SCAF8: variants seen among roughly 807,000 people sequenced by gnomAD.
SCAF8 encodes the protein SR-related CTD associated factor 8.
A neutral mutation model predicts 140.5 loss-of-function variants in SCAF8; 23 were observed. That is an observed-to-expected ratio of 0.16 (90% CI 0.12 to 0.23). The LOEUF (loss-of-function observed/expected upper bound fraction) is 0.23. Ranked by LOEUF, SCAF8 falls within the 10% of genes least tolerant of loss-of-function variation. SCAF8 has a pLI of 1.00. For synonymous variants in SCAF8, 575 were observed against 528.9 expected (o/e 1.09, Z -1.20); for missense variants, 1,397 against 1,555.7 (o/e 0.90, Z 1.72).
rs57095332 is a variant in SCAF8 at position 154,790,489 on chromosome 6, A to ATT, written c.322-2296_322-2295dup. Among the ~76,000 whole-genome samples, 37 of 70,878 alleles carry ATT rather than the reference A, an allele frequency of 5.2e-4. 6 individuals are homozygous for ATT. Among genetic ancestry groups the ATT allele is most frequent in the Admixed American group, 1.3e-3 (6 of 4,502 alleles). 46.5% of individuals were successfully genotyped at this position (70,878 alleles called of 152,430 possible). ...TTGTAAAACATATACATTTAACAGA[A>ATT]TTTTTTTTTTTTTTTTTTTTTTTTT... is the stretch of plus-strand genomic sequence containing the variant. On this transcript the variant is annotated intron_variant, in intron 4 of 19. Coordinates refer to ENST00000367178, the MANE Select transcript of SCAF8 (RefSeq NM_014892.5).
At chr6:154,742,271 T>C (rs568357400) in intron 1 of SCAF8, among the ~76,000 whole-genome samples, 69 of 152,318 alleles carry the variant, frequency 4.5e-4, no homozygotes, top group African/African-American at 1.6e-3. Flanking sequence ...ACTTTTGTTA[T>C]GTTTACTTGT....
intron 3 of SCAF8, among the ~76,000 whole-genome samples, chr6:154,785,722 A>T (rs1015730621): frequency 2.6e-5 from 4 of 152,212 alleles, no homozygotes; most frequent in Non-Finnish European, 4.4e-5. Context: ...ATATGGTCCA[A>T]CTTACCTAGA....
Position 154,784,146 on chromosome 6 carries a change from T to G in SCAF8, c.160-3715T>G, listed in dbSNP as rs1167892838. ...ATATATATATATATATATATATATA[T>G]ATATATATATATTTATTTATTTATT... On this transcript the variant is annotated intron_variant, in intron 3 of 19. Coordinates refer to ENST00000367178, the MANE Select transcript of SCAF8 (RefSeq NM_014892.5). Among the ~76,000 whole-genome samples, 26 of 139,376 alleles carry G rather than the reference T, an allele frequency of 1.9e-4. 1 individual carries two copies. Among genetic ancestry groups the G allele is most frequent in the Middle Eastern group, 7.6e-3 (2 of 264 alleles). The allele number at this position is 139,376 out of a possible 152,430, so 91.4% of individuals were successfully genotyped here.
At chr6:154,757,991 A>G (rs925794914) in intron 1 of SCAF8, among the ~76,000 whole-genome samples, 8 of 150,850 alleles carry the variant, frequency 5.3e-5, no homozygotes, top group African/African-American at 2.0e-4. Context: ...GCTCACTGCA[A>G]CCTCTGCCTC....
At chr6:154,756,825 T>C (rs1778978034) in intron 1 of SCAF8, among the ~76,000 whole-genome samples, 1 of 151,960 alleles carries the variant, frequency 6.6e-6, no homozygotes, top group Non-Finnish European at 1.5e-5. Context: ...CTCAGGAGTT[T>C]TAAGACCAGC....
Position 154,736,740 on chromosome 6 carries a change from G to A in SCAF8, c.30+2810G>A, listed in dbSNP as rs142118004. Among the ~76,000 whole-genome samples the A allele has an allele frequency of 2.0e-3, 299 of 152,192 alleles. 1 individual carries two copies. The highest frequency in any genetic ancestry group is 6.7e-3 in the African/African-American group (279 of 41,536). The stretch of plus-strand genomic sequence containing the variant: ...ACATGTGTAGATAGGTGTTTCACCT[G>A]TTTTCTCATTTTACAGGAACTTGAG... On this transcript the variant is annotated intron_variant, in intron 1 of 19. Transcript: ENST00000367178.
chr6:154,733,611 C>A lies in SCAF8; in HGVS notation c.-290C>A. On this transcript the variant is annotated 5_prime_UTR_variant, in exon 1 of 20. Coordinates refer to ENST00000367178, the MANE Select transcript of SCAF8 (RefSeq NM_014892.5). ...GGAGCGGGGCAGAGAAGAGAAGGCG[C>A]CGCGGCCCAGCCCCTCCCCCGCCCG... 7.7e-7 allele frequency: 1 copy of A among 1,291,082 alleles called. No individual in the cohort carries two copies. The highest frequency in any genetic ancestry group is 2.5e-5 in the South Asian group (1 of 39,668). 80.0% of individuals were successfully genotyped at this position (1,291,082 alleles called of 1,614,324 possible). A position where few individuals can be genotyped will look rare whatever the true frequency, so the allele number is the denominator to read the frequency against.
chr6:154,796,401 CTT>C (rs1491453109), intron 6 of SCAF8, among the ~76,000 whole-genome samples: 1 of 137,880 alleles, frequency 7.3e-6, no homozygotes, highest in African/African-American at 2.8e-5. Context: ...CTGTCTCTCT[CTT>C]TTTCTGACCC....
intron 17 of SCAF8, chr6:154,824,951 A>G (rs970726619): frequency 6.7e-6 from 1 of 149,946 alleles, no homozygotes; most frequent in Non-Finnish European, 1.5e-5. Flanking sequence ...TCTCAAAAAG[A>G]AAAAAAGGTG....
intron 18 of SCAF8, among the ~76,000 whole-genome samples, chr6:154,827,839 G>GT (rs932855754): frequency 1.9e-4 from 28 of 150,630 alleles, no homozygotes; most frequent in Non-Finnish European, 1.3e-4. Flanking sequence ...CGGGGCGGGG[G>GT]GGGGGGCGGT....
At chr6:154,781,657 A>G (rs555354478) in intron 3 of SCAF8, among the ~76,000 whole-genome samples, 1 of 152,330 alleles carries the variant, frequency 6.6e-6, no homozygotes, top group South Asian at 2.1e-4. Context: ...GTAGTATTTC[A>G]GGGTATGAAT....
chr6:154,793,940 T>A (rs969805284), intron 5 of SCAF8, among the ~76,000 whole-genome samples: 3 of 151,950 alleles, frequency 2.0e-5, no homozygotes, highest in Non-Finnish European at 4.4e-5. Flanking sequence ...GATGTACTGT[T>A]TTTTGAGACC....
chr6:154,820,356 A>T, intron 15 of SCAF8, 23 bp downstream of exon 15: 2 of 1,583,354 alleles, frequency 1.3e-6, no homozygotes, highest in Non-Finnish European at 1.7e-6. Flanking sequence ...AGGTCTTTTT[A>T]TTGTTAAAAA....
At chr6:154,816,525 C>T (rs747593293) in intron 13 of SCAF8, among the ~76,000 whole-genome samples, 3 of 152,092 alleles carry the variant, frequency 2.0e-5, no homozygotes, top group Admixed American at 6.6e-5. Flanking sequence ...GTCTTTCTTC[C>T]TCCTGCTGTG....
chr6:154,826,333 ATTC>A (rs1380844135), intron 17 of SCAF8, among the ~76,000 whole-genome samples: 2 of 152,106 alleles, frequency 1.3e-5, no homozygotes, highest in Non-Finnish European at 1.5e-5. Flanking sequence ...ATGTATTTTT[ATTC>A]TTTCCTTATT....
chr6:154,806,386 T>A (rs1777914826), intron 9 of SCAF8, among the ~76,000 whole-genome samples: 1 of 152,144 alleles, frequency 6.6e-6, no homozygotes, highest in African/African-American at 2.4e-5. Context: ...CATCCTAATA[T>A]TAAAAAAGTT....
intron 2 of SCAF8, among the ~76,000 whole-genome samples, chr6:154,774,591 A>G (rs1032434895): frequency 2.6e-5 from 4 of 152,138 alleles, no homozygotes; most frequent in African/African-American, 4.8e-5. Context: ...AAAAGTTTCT[A>G]TATATTGATA....
At chr6:154,830,186 A>G (rs536870628) in intron 18 of SCAF8, among the ~76,000 whole-genome samples, 17 of 152,338 alleles carry the variant, frequency 1.1e-4, no homozygotes, top group South Asian at 6.2e-4. Flanking sequence ...GTGCATGACC[A>G]CAGGTGTTTT....
At chr6:154,773,307 A>G (rs907979565) in intron 1 of SCAF8, among the ~76,000 whole-genome samples, 4 of 152,202 alleles carry the variant, frequency 2.6e-5, no homozygotes, top group African/African-American at 4.8e-5. Context: ...ATTATATAAT[A>G]TGCTGCCTTT....
Sources: allele counts gnomAD v4.1 joint callset (sites outside exome capture counted in the v4.1 genomes callset), GRCh38; gene constraint gnomAD v4.1.1; transcripts MANE v1.5; gene names NCBI Gene and HGNC (gene_info 2026-07-23, HGNC 2026-07-21).